Variants in MYT1L observed in about 807,000 individuals in gnomAD.
MYT1L encodes the protein myelin transcription factor 1 like.
A neutral mutation model predicts 126.7 loss-of-function variants in MYT1L; 12 were observed. That is an observed-to-expected ratio of 0.09 (90% CI 0.06 to 0.15). The LOEUF (loss-of-function observed/expected upper bound fraction) is 0.15, where lower values mean the gene tolerates loss of function less well. Among genes scored for constraint, MYT1L ranks in the 10% least tolerant of loss-of-function variants. The pLI, the probability that MYT1L is intolerant of heterozygous loss-of-function variation, is 1.00. For synonymous variants in MYT1L, 541 were observed against 604.2 expected (o/e 0.90, Z 1.53); for missense variants, 979 against 1,585.2 (o/e 0.62, Z 6.49).
intron 3 of MYT1L, among the ~76,000 whole-genome samples, chr2:2,170,436 T>G (rs2089860235): frequency 6.6e-6 from 1 of 152,226 alleles, no homozygotes. Flanking sequence ...GTGGCTCATT[T>G]CAGACAGCGG....
intron 2 of MYT1L, among the ~76,000 whole-genome samples, chr2:2,189,148 A>G (rs924276588): frequency 2.0e-5 from 3 of 152,210 alleles, no homozygotes; most frequent in Admixed American, 1.3e-4. Flanking sequence ...ATACTATATA[A>G]GAGCTTCTGA....
At chr2:2,259,688 C>T (rs1018534673) in intron 2 of MYT1L, among the ~76,000 whole-genome samples, 20 of 152,104 alleles carry the variant, frequency 1.3e-4, no homozygotes, top group Non-Finnish European at 2.2e-4. Flanking sequence ...TGGCTAGTAT[C>T]GATCCATTCC....
intron 4 of MYT1L, among the ~76,000 whole-genome samples, chr2:2,049,007 CATA>C (rs1372085085): frequency 2.0e-5 from 3 of 152,238 alleles, no homozygotes; most frequent in South Asian, 4.2e-4. Context: ...TTTAACTATC[CATA>C]ATATTTTATA....
At chr2:2,279,564 T>TAAAGGAAG (rs2095417379) in intron 2 of MYT1L, among the ~76,000 whole-genome samples, 1 of 121,568 alleles carries the variant, frequency 8.2e-6, no homozygotes, top group African/African-American at 3.0e-5. Context: ...AAGGAATGAA[T>TAAAGGAAG]GAATGAAGGA....
At chr2:1,947,486 G>A (rs958824898) in intron 8 of MYT1L, among the ~76,000 whole-genome samples, 1 of 152,174 alleles carries the variant, frequency 6.6e-6, no homozygotes, top group Non-Finnish European at 1.5e-5. Context: ...CATTGCTGTG[G>A]TGGGTGTCTG....
At chr2:1,937,279 A>G (rs373500653) in intron 9 of MYT1L, among the ~76,000 whole-genome samples, 3 of 152,212 alleles carry the variant, frequency 2.0e-5, no homozygotes, top group Non-Finnish European at 2.9e-5. Flanking sequence ...ATCATTTCGC[A>G]CATCAAGAAG....
At chr2:2,317,876 A>G (rs2096093212) in intron 1 of MYT1L, among the ~76,000 whole-genome samples, 1 of 152,166 alleles carries the variant, frequency 6.6e-6, no homozygotes, top group African/African-American at 2.4e-5. Context: ...ATCTAAGAGC[A>G]GGTGCCAAGA....
rs1359642781 is a variant in MYT1L, at chr2:1,951,074, T to G, written c.153-7740A>C. Among the ~76,000 whole-genome samples the G allele has an allele frequency of 4.0e-5, 6 of 151,804 alleles. No individual in the cohort carries two copies. The South Asian group carries it at 1.3e-3, about 32-fold the overall frequency. On this transcript the variant is annotated intron_variant, in intron 8 of 24. Coordinates refer to ENST00000647738, the MANE Select transcript of MYT1L (RefSeq NM_001303052.2). ...GAGACTCAGGTCTTTGCTGGCTTGG[T>G]TTTGGTTGGGAACAGAGGCTTACAG...
intron 2 of MYT1L, among the ~76,000 whole-genome samples, chr2:2,178,061 A>C (rs778596545): frequency 6.6e-6 from 1 of 152,122 alleles, no homozygotes; most frequent in Admixed American, 6.5e-5. Context: ...CTGTTTATTT[A>C]TAAATAGATA....
In MYT1L at chr2:1,823,964, G is replaced by A. The variant is rs1040419028; in HGVS notation, c.3081-14797C>T. ...GCACAGTGTTGGCCTGGGCCTCGCC[G>A]TCCCTGGCACGACCCATGGGATGAG... On this transcript the variant is annotated intron_variant, in intron 21 of 24. Coordinates refer to ENST00000647738, the MANE Select transcript of MYT1L (RefSeq NM_001303052.2). Among the ~76,000 whole-genome samples, 4 of 152,134 alleles carry A rather than the reference G, an allele frequency of 2.6e-5. No homozygotes were observed. In the South Asian group the frequency reaches 6.2e-4, roughly 24 times the overall value.
At chr2:2,112,337 A>T (rs2079566376) in intron 3 of MYT1L, among the ~76,000 whole-genome samples, 1 of 152,254 alleles carries the variant, frequency 6.6e-6, no homozygotes, top group Admixed American at 6.5e-5. Flanking sequence ...TATAAAAAGC[A>T]GTGCTTAAAT....
rs528572287 is a variant in MYT1L, at chr2:2,265,850, T to C, written c.-421+18554A>G. On this transcript the variant is annotated intron_variant, in intron 2 of 24. Transcript: ENST00000647738. ...AAGAAGGGCAGAGCCTTGAGGCTGA[T>C]GGGATCTGGGGCCCTAAGGAGGCAT... Among the ~76,000 whole-genome samples, 3 of 152,286 alleles carry C rather than the reference T, an allele frequency of 2.0e-5. No homozygotes were observed. The South Asian group carries it at 6.2e-4, about 32-fold the overall frequency.
chr2:2,119,759 CA>C (rs1432500647), intron 3 of MYT1L, among the ~76,000 whole-genome samples: 1 of 152,164 alleles, frequency 6.6e-6, no homozygotes, highest in Non-Finnish European at 1.5e-5. Context: ...CTCAAGTATA[CA>C]AAACTGTATG....
At chr2:2,042,788 G>T (rs555897485) in intron 4 of MYT1L, among the ~76,000 whole-genome samples, 1 of 152,224 alleles carries the variant, frequency 6.6e-6, no homozygotes, top group African/African-American at 2.4e-5. Context: ...AGCCTCAAAC[G>T]CCCGGCATGC....
chr2:2,303,896 C>A (rs1342589977), intron 1 of MYT1L: 1 of 152,212 alleles, frequency 6.6e-6, no homozygotes, highest in Non-Finnish European at 1.5e-5. Context: ...TGAAAAACAT[C>A]GAGCAACACG....
chr2:1,902,898 C>T, intron 14 of MYT1L, 182 bp downstream of exon 14: 1 of 593,998 alleles, frequency 1.7e-6, no homozygotes, highest in South Asian at 2.1e-5. Context: ...AAGTTTTGCT[C>T]ACCTACAGCT....
intron 2 of MYT1L, among the ~76,000 whole-genome samples, chr2:2,272,116 C>CTTATT (rs1268323157): frequency 1.3e-5 from 2 of 152,262 alleles, no homozygotes; most frequent in Middle Eastern, 3.4e-3. Flanking sequence ...GACAGTCACC[C>CTTATT]TTATTGCCCA....
chr2:2,254,560 A>C (rs1054675755), intron 2 of MYT1L, among the ~76,000 whole-genome samples: 4 of 152,240 alleles, frequency 2.6e-5, no homozygotes, highest in African/African-American at 9.6e-5. Flanking sequence ...GATTAGACAG[A>C]TTCAGACATG....
intron 1 of MYT1L, among the ~76,000 whole-genome samples, chr2:2,328,161 A>C (rs1270411401): frequency 6.6e-6 from 1 of 152,200 alleles, no homozygotes; most frequent in African/African-American, 2.4e-5. Context: ...AATTGTAACA[A>C]ATAGAAAAAC....
Sources: gnomAD v4.1 joint callset for allele counts (sites outside exome capture counted in the v4.1 genomes callset) on GRCh38, gnomAD v4.1.1 for gene constraint, MANE v1.5 for transcripts, NCBI Gene and HGNC (gene_info 2026-07-23, HGNC 2026-07-21) for gene names.